Variants in ARL15 observed in about 807,000 individuals in gnomAD.
ARL15 encodes the protein ADP-ribosylation factor-like protein 15.
A neutral mutation model predicts 25.2 loss-of-function variants in ARL15; 19 were observed. The ratio of observed to expected loss-of-function variants is 0.75; its 90% CI spans 0.53 to 1.10. ARL15 has a LOEUF of 1.10. Among genes scored for constraint, ARL15 ranks in the 50% least tolerant of loss-of-function variants. The probability of loss-of-function intolerance (pLI) is 0.00; values close to 1 mark genes in which losing one functional copy is unlikely to be tolerated. For synonymous variants in ARL15, 94 were observed against 86.8 expected, an observed-to-expected ratio of 1.08 and a Z score of -0.46; for missense variants, 220 against 246.0, an observed-to-expected ratio of 0.89 and a Z score of 0.71.
intron 4 of ARL15, among the ~76,000 whole-genome samples, chr5:53,907,488 A>ATATTTATTTTT (rs1360900279): frequency 5.6e-5 from 1 of 18,016 alleles, no homozygotes; most frequent in Non-Finnish European, 8.5e-5. Flanking sequence ...ATATATATAT[A>ATATTTATTTTT]TTTTTTTTTT....
chr5:54,140,461 T>TAGATAGATAG (rs1554043185), intron 3 of ARL15, among the ~76,000 whole-genome samples: 2,427 of 123,404 alleles, frequency 0.02, 14 homozygotes, highest in Non-Finnish European at 0.026. Flanking sequence ...GATAGATAGA[T>TAGATAGATAG]AGATAGAGAT....
At chr5:54,275,763 C>G (rs1032130937) in intron 1 of ARL15, among the ~76,000 whole-genome samples, 5 of 151,686 alleles carry the variant, frequency 3.3e-5, no homozygotes, top group Admixed American at 3.3e-4. Flanking sequence ...CGGCTTACTG[C>G]AAGCTCTGCC....
In ARL15 at chr5:54,113,224, G is replaced by A. The variant is rs1163099799; in HGVS notation, c.440C>T (p.Pro147Leu). ...TACCTCTTGTACTGAGCGAGCTGCT[G>A]GCTTGTCTTGATGATTGGCCAATAT... is the stretch of plus-strand genomic sequence containing the variant. ...FLILANHQDK[P>L]AARSVQEIKK... is the part of the protein sequence containing the mutation. The change falls in exon 4 of 5, where the codon CCA becomes CTA. Residue 147 changes from proline to leucine, a missense_variant. Physicochemically the swap from Pro to Leu is moderately conservative, Grantham distance 98 (BLOSUM62 -3). Transcript: ENST00000504924. The A allele has an allele frequency of 3.7e-6, 6 of 1,613,724 alleles. No individual in the cohort carries two copies. The highest frequency in any genetic ancestry group is 5.1e-6 in the Non-Finnish European group (6 of 1,179,842).
chr5:54,021,968 C>T (rs534228553), intron 4 of ARL15, among the ~76,000 whole-genome samples: 1 of 152,138 alleles, frequency 6.6e-6, no homozygotes, highest in Non-Finnish European at 1.5e-5. Flanking sequence ...ACCACGGAAG[C>T]CAGAAGGAAA....
At chr5:53,933,642 C>CAAAAAAA (rs34912827) in intron 4 of ARL15, among the ~76,000 whole-genome samples, 1 of 75,998 alleles carries the variant, frequency 1.3e-5, no homozygotes, top group Non-Finnish European at 2.3e-5. Context: ...GAGACTGTCT[C>CAAAAAAA]AAAAAAAAAA....
intron 4 of ARL15, among the ~76,000 whole-genome samples, chr5:54,107,597 G>A (rs1579806554): frequency 6.6e-6 from 1 of 152,066 alleles, no homozygotes; most frequent in Non-Finnish European, 1.5e-5. Context: ...TTCAGAGGCA[G>A]AAGTGGGAGA....
intron 1 of ARL15, among the ~76,000 whole-genome samples, chr5:54,261,782 G>A (rs921546545): frequency 5.3e-5 from 8 of 151,956 alleles, no homozygotes; most frequent in Admixed American, 1.3e-4. Flanking sequence ...TGACCACACC[G>A]TTTTTTCGGG....
chr5:54,282,206 T>C lies in ARL15; in HGVS notation c.48+28226A>G, dbSNP rs375294812. 17 of 975,998 alleles carry C rather than the reference T, an allele frequency of 1.7e-5. No homozygotes were observed. In the Admixed American group the frequency reaches 3.7e-4, roughly 21 times the overall value. The allele number at this position is 975,998 out of a possible 1,614,324, so 60.5% of individuals were successfully genotyped here. A position where few individuals can be genotyped will look rare whatever the true frequency, so the allele number is the denominator to read the frequency against. Reference sequence around the variant, plus strand: ...ATAATTGCCATCACTCCACATGATTTCCAACACTAGGGTCTTCACTTATTT... The same window carrying C: ...ATAATTGCCATCACTCCACATGATTCCCAACACTAGGGTCTTCACTTATTT... On this transcript the variant is annotated intron_variant, in intron 1 of 4. Coordinates refer to ENST00000504924, the MANE Select transcript of ARL15 (RefSeq NM_019087.3).
At chr5:54,179,206 T>C (rs1160613914) in intron 1 of ARL15, among the ~76,000 whole-genome samples, 2 of 152,108 alleles carry the variant, frequency 1.3e-5, no homozygotes, top group Non-Finnish European at 2.9e-5. Context: ...TCTGTGTTGA[T>C]AGAGGGCAAC....
At chr5:54,129,371 C>A (rs1014107470) in intron 3 of ARL15, among the ~76,000 whole-genome samples, 14 of 152,018 alleles carry the variant, frequency 9.2e-5, no homozygotes, top group African/African-American at 3.4e-4. Flanking sequence ...TTCTTGGCTC[C>A]CTATTCAGAG....
At chr5:54,119,747 T>C (rs1753016634) in intron 3 of ARL15, among the ~76,000 whole-genome samples, 1 of 152,134 alleles carries the variant, frequency 6.6e-6, no homozygotes. Context: ...ATGCATTTGG[T>C]TTTGTTATCT....
chr5:54,146,297 T>C (rs890612145), intron 3 of ARL15, among the ~76,000 whole-genome samples: 39 of 151,920 alleles, frequency 2.6e-4, no homozygotes, highest in African/African-American at 8.4e-4. Flanking sequence ...AGGTTAGAGG[T>C]AGGATCTACG....
intron 1 of ARL15, among the ~76,000 whole-genome samples, chr5:54,186,511 A>G (rs551467629): frequency 1.3e-3 from 194 of 152,352 alleles, no homozygotes; most frequent in African/African-American, 4.5e-3. Flanking sequence ...CTTCACGAGC[A>G]AAAGCTGAAC....
chr5:53,990,699 A>G (rs1336892205), intron 4 of ARL15, among the ~76,000 whole-genome samples: 5 of 152,216 alleles, frequency 3.3e-5, no homozygotes, highest in Non-Finnish European at 7.3e-5. Context: ...GTTTCTGAAG[A>G]AAGCTGGGTA....
At chr5:54,123,466 G>A (rs1232448547) in intron 3 of ARL15, among the ~76,000 whole-genome samples, 1 of 152,032 alleles carries the variant, frequency 6.6e-6, no homozygotes, top group African/African-American at 2.4e-5. Context: ...TTTCTAAAGC[G>A]GTACAGTCCC....
At chr5:54,080,010 C>CACACACACATAT (rs775031344) in intron 4 of ARL15, among the ~76,000 whole-genome samples, 4,136 of 144,740 alleles carry the variant, frequency 0.029, 196 homozygotes, top group South Asian at 0.081. Context: ...CACACACACA[C>CACACACACATAT]ACACACAGAC....
intron 1 of ARL15, among the ~76,000 whole-genome samples, chr5:54,277,760 A>G (rs1156377050): frequency 6.6e-6 from 1 of 152,220 alleles, no homozygotes; most frequent in African/African-American, 2.4e-5. Context: ...TCAAAAAAAA[A>G]AAGAGAAAAG....
intron 1 of ARL15, among the ~76,000 whole-genome samples, chr5:54,278,733 T>G (rs1353840070): frequency 6.6e-6 from 1 of 152,214 alleles, no homozygotes; most frequent in African/African-American, 2.4e-5. Flanking sequence ...TCCTGCCACA[T>G]CTTCCTGAGT....
rs25859 is a variant in ARL15 at position 54,177,465 on chromosome 5, G to T, written c.49-5537C>A. 2.0e-3 allele frequency among the ~76,000 whole-genome samples: 297 copies of T among 152,080 alleles called. 1 individual carries two copies. The highest frequency in any genetic ancestry group is 6.8e-3 in the African/African-American group (282 of 41,468). ...AAGAAAGCAAAAGATAAAATTACTA[G>T]AGTAAAATAAGGACTTGCATTTCAG... is the stretch of plus-strand genomic sequence containing the variant. On this transcript the variant is annotated intron_variant, in intron 1 of 4. Transcript: ENST00000504924.
Sources: allele counts gnomAD v4.1 joint callset (sites outside exome capture counted in the v4.1 genomes callset), GRCh38; gene constraint gnomAD v4.1.1; transcripts MANE v1.5; gene names NCBI Gene and HGNC (gene_info 2026-07-23, HGNC 2026-07-21).